GALNT14: variants seen among roughly 807,000 people sequenced by gnomAD.
The protein encoded by GALNT14 is polypeptide N-acetylgalactosaminyltransferase 14.
A neutral mutation model predicts 77.5 loss-of-function variants in GALNT14; 60 were observed. The ratio of observed to expected loss-of-function variants is 0.77; its 90% CI spans 0.63 to 0.96. The LOEUF is 0.96. GALNT14 is among the 40% of genes least tolerant of loss of function. The pLI is 0.00. For synonymous variants in GALNT14, 280 were observed against 281.7 expected, an observed-to-expected ratio of 0.99 and a Z score of 0.06; for missense variants, 710 against 731.0, an observed-to-expected ratio of 0.97 and a Z score of 0.33.
At chr2:30,945,003 C>A in intron 7 of GALNT14, 61 bp from the exon 8 acceptor site, 1 of 1,439,352 alleles carries the variant, frequency 6.9e-7, no homozygotes, top group Non-Finnish European at 9.5e-7. Context: ...CATTCTGCAC[C>A]CTCTCCAGAA....
intron 1 of GALNT14, among the ~76,000 whole-genome samples, chr2:31,071,256 A>AT (rs61671191): frequency 3.3e-5 from 5 of 152,220 alleles, no homozygotes; most frequent in Middle Eastern, 3.4e-3. Context: ...GGAAATAAAA[A>AT]TTTTTTTTAA....
intron 4 of GALNT14, among the ~76,000 whole-genome samples, chr2:30,957,768 C>T (rs1573035534): frequency 6.6e-6 from 1 of 152,188 alleles, no homozygotes; most frequent in African/African-American, 2.4e-5. Context: ...TCCCTCAGTT[C>T]GTCACCAGGA....
intron 1 of GALNT14, among the ~76,000 whole-genome samples, chr2:31,089,940 G>A (rs1384671684): frequency 6.6e-6 from 1 of 152,186 alleles, no homozygotes; most frequent in Non-Finnish European, 1.5e-5. Flanking sequence ...GTTTCACAAG[G>A]TTCTGTGTGC....
At chr2:30,894,960 C>A in the GALNT14 span, among the ~76,000 whole-genome samples, 1 of 152,208 alleles carries the variant, frequency 6.6e-6, no homozygotes, top group Non-Finnish European at 1.5e-5. Flanking sequence ...AGCACAGGAG[C>A]ACCTGACTGT....
intron 1 of GALNT14, chr2:31,114,858 T>G (rs971378354): frequency 1.4e-6 from 1 of 715,804 alleles, no homozygotes; most frequent in Non-Finnish European, 2.6e-6. Context: ...GAAAATGTCA[T>G]GAGCTCCAAA....
chr2:30,915,567 A>G (rs1001235116), intron 13 of GALNT14, among the ~76,000 whole-genome samples: 1 of 152,246 alleles, frequency 6.6e-6, no homozygotes, highest in Non-Finnish European at 1.5e-5. Flanking sequence ...GCAGCCTGTC[A>G]GACTTCCCAG....
intron 1 of GALNT14, among the ~76,000 whole-genome samples, chr2:31,056,040 G>T (rs1031054406): frequency 6.6e-6 from 1 of 152,228 alleles, no homozygotes; most frequent in Non-Finnish European, 1.5e-5. Flanking sequence ...CAGGGGCACA[G>T]GGAATCTACA....
intron 1 of GALNT14, among the ~76,000 whole-genome samples, chr2:31,039,482 G>A (rs577841822): frequency 6.6e-5 from 10 of 152,226 alleles, no homozygotes; most frequent in African/African-American, 2.4e-4. Context: ...ACTTGAATCG[G>A]GCCGGCTTAC....
chr2:31,080,688 T>C (rs1260778222), intron 1 of GALNT14, among the ~76,000 whole-genome samples: 1 of 152,250 alleles, frequency 6.6e-6, no homozygotes, highest in African/African-American at 2.4e-5. Context: ...TTGTGACCTG[T>C]GCAAGTCACT....
Position 31,137,941 on chromosome 2 carries a change from G to A in GALNT14, c.129+17C>T, listed in dbSNP as rs771271515. 6.2e-7 allele frequency: 1 copy of A among 1,602,322 alleles called. No individual in the cohort carries two copies. The highest frequency in any genetic ancestry group is 8.5e-7 in the Non-Finnish European group (1 of 1,174,280). Reference sequence around the variant, plus strand: ...GCAAGCCACCGCTCAGCGCCAGCGCGCCGGCAAGCCGCCTACCTTAGGGGT... The same window carrying A: ...GCAAGCCACCGCTCAGCGCCAGCGCACCGGCAAGCCGCCTACCTTAGGGGT... On this transcript the variant is annotated intron_variant, in intron 1 of 14. Coordinates refer to ENST00000349752, the MANE Select transcript of GALNT14 (RefSeq NM_024572.4).
chr2:31,119,015 A>T (rs1285636977), intron 1 of GALNT14, among the ~76,000 whole-genome samples: 1 of 152,154 alleles, frequency 6.6e-6, no homozygotes, highest in East Asian at 1.9e-4. Context: ...ATGACTATTC[A>T]TTTTGGAAGA....
At chr2:30,968,195 T>C (rs1393092753) in intron 2 of GALNT14, among the ~76,000 whole-genome samples, 9 of 152,252 alleles carry the variant, frequency 5.9e-5, no homozygotes, top group Admixed American at 1.3e-4. Flanking sequence ...GGTTTAAGTA[T>C]ACCAGTTGTC....
chr2:31,006,691 A>G (rs1670695230), intron 1 of GALNT14, among the ~76,000 whole-genome samples: 2 of 152,176 alleles, frequency 1.3e-5, no homozygotes, highest in Non-Finnish European at 2.9e-5. Context: ...ACAGTTGTAC[A>G]TTTTCTGCCA....
chr2:31,070,937 A>G (rs1675325129), intron 1 of GALNT14, among the ~76,000 whole-genome samples: 1 of 152,246 alleles, frequency 6.6e-6, no homozygotes, highest in African/African-American at 2.4e-5. Flanking sequence ...AAAAAATGAA[A>G]GTAGAACCAG....
At chr2:31,000,817 T>G (rs1003629568) in intron 1 of GALNT14, among the ~76,000 whole-genome samples, 3 of 152,188 alleles carry the variant, frequency 2.0e-5, no homozygotes, top group African/African-American at 7.2e-5. Context: ...CTGGACATTG[T>G]GGTTTGGCCA....
intron 1 of GALNT14, among the ~76,000 whole-genome samples, chr2:31,049,263 T>C (rs1490465728): frequency 6.6e-6 from 1 of 152,166 alleles, no homozygotes; most frequent in Non-Finnish European, 1.5e-5. Flanking sequence ...CATTCTATGG[T>C]ATCCCATGCA....
chr2:30,970,261 G>C (rs371661302), intron 2 of GALNT14, among the ~76,000 whole-genome samples: 1 of 152,118 alleles, frequency 6.6e-6, no homozygotes. Flanking sequence ...AGGATGCAGC[G>C]TCAATGTGAG....
intron 2 of GALNT14, among the ~76,000 whole-genome samples, chr2:30,979,974 A>G (rs1261434206): frequency 6.6e-6 from 1 of 152,132 alleles, no homozygotes; most frequent in East Asian, 1.9e-4. Flanking sequence ...TTCAAGCACA[A>G]ATTTCACCAG....
intron 1 of GALNT14, among the ~76,000 whole-genome samples, chr2:31,015,301 A>T (rs6750273): frequency 6.3e-5 from 9 of 143,648 alleles, no homozygotes; most frequent in African/African-American, 2.2e-4. Context: ...TCAAAGGAAA[A>T]AAAAAAAAAA....
Sources: allele counts gnomAD v4.1 joint callset (sites outside exome capture counted in the v4.1 genomes callset), GRCh38; gene constraint gnomAD v4.1.1; transcripts MANE v1.5; gene names NCBI Gene and HGNC (gene_info 2026-07-23, HGNC 2026-07-21).